The following PANX2 variants were observed in gnomAD, a reference collection of about 807,000 sequenced individuals.
PANX2 encodes the protein pannexin-2.
In PANX2, 30 loss-of-function variants were observed where a neutral mutation model predicts 38.7. The observed-to-expected ratio is 0.78, with a 90% CI of 0.58 to 1.05. PANX2 has a LOEUF of 1.05. Ranked by LOEUF, PANX2 falls within the 50% of genes least tolerant of loss-of-function variation. PANX2 has a pLI of 0.00. For synonymous variants in PANX2, 539 were observed against 472.1 expected (o/e 1.14, Z -1.84); for missense variants, 880 against 979.3 (o/e 0.90, Z 1.35).
At chr22:50,176,912 C>T (rs1486692029) in intron 1 of PANX2, 27 bp from the exon 2 acceptor site, 1 of 1,502,510 alleles carries the variant, frequency 6.7e-7, no homozygotes. Flanking sequence ...CTCCCCGCCC[C>T]AGCCCGTGTC....
In PANX2 at chr22:50,179,377, C is replaced by A. The variant is rs2147066063; in HGVS notation, c.*100C>A. On this transcript the variant is annotated 3_prime_UTR_variant, in exon 3 of 3. Coordinates refer to ENST00000395842, the MANE Select transcript of PANX2 (RefSeq NM_052839.4). Reference sequence around the variant, plus strand: ...CAGCCCTGCGTGGACGTGGCCTGTGCTTCGCCCGCACTGCGCGCATCCCCA... The same window carrying A: ...CAGCCCTGCGTGGACGTGGCCTGTGATTCGCCCGCACTGCGCGCATCCCCA... The A allele has an allele frequency of 9.1e-7, 1 of 1,100,276 alleles. No homozygotes were observed. Among genetic ancestry groups the A allele is most frequent in the Non-Finnish European group, 1.3e-6 (1 of 756,188 alleles). The allele number at this position is 1,100,276 out of a possible 1,614,324, so 68.2% of individuals were successfully genotyped here.
Position 50,177,888 on chromosome 22 carries a change from C to G in PANX2, c.1176C>G (p.Asp392Glu). Residue 392 changes from aspartate to glutamate, a missense_variant, in exon 2 of 3, where the codon GAC becomes GAG. By Grantham distance (45) the Asp-to-Glu change is conservative. Transcript: ENST00000395842. ...CGGCGCTGGCGCAGTCCAACCACGA[C>G]GCCACCCCCACGGTGCGCGACTCGG... is the stretch of plus-strand genomic sequence containing the variant. ...LLAALAQSNH[D>E]ATPTVRDSGV... 1 of 1,542,990 alleles carries G rather than the reference C, an allele frequency of 6.5e-7. No individual in the cohort carries two copies. The highest frequency in any genetic ancestry group is 8.7e-7 in the Non-Finnish European group (1 of 1,149,188).
Position 50,179,114 on chromosome 22 carries a change from C to T in PANX2, c.1871C>T (p.Pro624Leu). ...ATCCTGAGCCGAAACGCCACACACC[C>T]GCTGCTGCACATCAACACGCTGTAC... ...LTILSRNATHPLLHINTLYEA... is the reference protein window; with the variant it reads ...LTILSRNATHLLLHINTLYEA... Residue 624 changes from proline to leucine, a missense_variant, in exon 3 of 3, where the codon CCG becomes CTG. Pro to Leu is a moderately conservative substitution (Grantham distance 98). Around this residue, in one of 4 missense-constraint regions of PANX2, gnomAD observed 445 missense variants for 404.3 expected, o/e 1.10. Transcript: ENST00000395842. The T allele has an allele frequency of 6.2e-7, 1 of 1,611,984 alleles. No individual in the cohort carries two copies. Among genetic ancestry groups the T allele is most frequent in the Non-Finnish European group, 8.5e-7 (1 of 1,179,502 alleles).
chr22:50,174,179 GGA>G (rs1490700427), intron 1 of PANX2, among the ~76,000 whole-genome samples: 1 of 152,154 alleles, frequency 6.6e-6, no homozygotes, highest in East Asian at 1.9e-4. Flanking sequence ...GGGGTGTCCT[GGA>G]GAGGTGTCCC....
intron 2 of PANX2, 82 bp from the exon 3 acceptor site, chr22:50,178,852 C>T (rs2063680848): frequency 1.6e-6 from 2 of 1,268,264 alleles, no homozygotes; most frequent in Non-Finnish European, 2.1e-6. Context: ...GCCCTGCTCC[C>T]CCGCCAGCCT....
chr22:50,170,859 G>C lies in PANX2; in HGVS notation c.129G>C (p.Gln43His), dbSNP rs1213426404. ...KAGALAALLL[Q>H]LKLELPFDRV... ...GCGCGCTGGCCGCGCTGCTTCTGCA[G>C]CTGAAGCTGGAGCTGCCGTTCGACC... is the stretch of plus-strand genomic sequence containing the variant. The change falls in exon 1 of 3, where the codon CAG (glutamine) becomes CAC (histidine). Residue 43 changes from glutamine (Q) to histidine (H), a missense_variant. Coordinates refer to ENST00000395842, the MANE Select transcript of PANX2 (RefSeq NM_052839.4). 20 of 1,514,358 alleles carry C rather than the reference G, an allele frequency of 1.3e-5. No homozygotes were observed. Among genetic ancestry groups the C allele is most frequent in the Middle Eastern group, 1.9e-4 (1 of 5,378 alleles). The allele number at this position is 1,514,358 out of a possible 1,614,324, so 93.8% of individuals were successfully genotyped here.
intron 1 of PANX2, 45 bp downstream of exon 1, chr22:50,171,001 C>T: frequency 9.2e-7 from 1 of 1,089,808 alleles, no homozygotes; most frequent in Non-Finnish European, 1.3e-6. Flanking sequence ...GAGGGGGCGT[C>T]CGCAGGTGTC....
At position 50,178,260 on chromosome 22, in the gene PANX2, C is replaced by T; in HGVS notation, c.1548C>T (p.Asp516=). ...AGCACGCGCGCCACTTCTCCCTGGA[C>T]GTGCACCCCTACATCCTCGGCACCA... The part of the protein sequence containing the change: ...DKKHARHFSL[D]VHPYILGTKK... The change falls in exon 2 of 3, where the codon GAC becomes GAT. Residue 516 remains aspartate, a synonymous_variant. Coordinates refer to ENST00000395842, the MANE Select transcript of PANX2 (RefSeq NM_052839.4). The T allele has an allele frequency of 2.0e-6, 3 of 1,525,208 alleles. No homozygotes were observed. Among genetic ancestry groups the T allele is most frequent in the Non-Finnish European group, 2.6e-6 (3 of 1,142,354 alleles). 94.5% of individuals were successfully genotyped at this position (1,525,208 alleles called of 1,614,324 possible). A position where few individuals can be genotyped will look rare whatever the true frequency, so the allele number is the denominator to read the frequency against.
intron 2 of PANX2, 104 bp from the exon 3 acceptor site, chr22:50,178,805 CCAGGCCCAGCGTCTCCAGGGCGCTT>C (rs890303200): frequency 1.3e-6 from 1 of 767,042 alleles, no homozygotes; most frequent in Non-Finnish European, 2.0e-6. Context: ...GCAGGGGCGT[CCAGGCCCAGCGTCTCCAGGGCGCTT>C]CAGAGCCGTG....
At chr22:50,172,736 T>C (rs1366112934) in intron 1 of PANX2, among the ~76,000 whole-genome samples, 1 of 149,726 alleles carries the variant, frequency 6.7e-6, no homozygotes, top group Admixed American at 6.6e-5. Flanking sequence ...CTTTTTTTAT[T>C]TTTATTTTTT....
In PANX2 at chr22:50,172,292, T is replaced by C. The variant is rs2063636634; in HGVS notation, c.226+1336T>C. On this transcript the variant is annotated intron_variant, in intron 1 of 2. Coordinates refer to ENST00000395842, the MANE Select transcript of PANX2 (RefSeq NM_052839.4). The stretch of plus-strand genomic sequence containing the variant: ...GAGGTGTCGGCAGGGCCCTGCTCCC[T>C]CCCACAGCTCTAGGAAAGGGACATT... Among the ~76,000 whole-genome samples the C allele has an allele frequency of 2.0e-5, 3 of 152,220 alleles. No individual in the cohort carries two copies. The South Asian group carries it at 6.2e-4, about 32-fold the overall frequency.
chr22:50,178,892 C>T, intron 2 of PANX2, 42 bp from the exon 3 acceptor site: 1 of 1,491,950 alleles, frequency 6.7e-7, no homozygotes, highest in Non-Finnish European at 9.0e-7. Flanking sequence ...GGCGGCGCAG[C>T]GGAGGATGGT....
Position 50,179,097 on chromosome 22 carries a change from C to G in PANX2, c.1854C>G (p.Ser618Arg), listed in dbSNP as rs770397542. The change falls in exon 3 of 3, where the codon AGC becomes AGG. Residue 618 changes from serine (S) to arginine (R), a missense_variant. Ser to Arg is a moderately radical substitution (Grantham distance 110). Around this residue, in one of 4 missense-constraint regions of PANX2, gnomAD observed 445 missense variants for 404.3 expected, o/e 1.10. Coordinates refer to ENST00000395842, the MANE Select transcript of PANX2 (RefSeq NM_052839.4). The stretch of plus-strand genomic sequence containing the variant: ...AGGCGGAGCCCCTCACCATCCTGAG[C>G]CGAAACGCCACACACCCGCTGCTGC... ...LGKAEPLTIL[S>R]RNATHPLLHI... 6.2e-7 allele frequency: 1 copy of G among 1,611,660 alleles called. No homozygotes were observed. The highest frequency in any genetic ancestry group is 8.5e-7 in the Non-Finnish European group (1 of 1,179,392).
At chr22:50,175,301 A>C (rs1287288430) in intron 1 of PANX2, 2 of 300,776 alleles carry the variant, frequency 6.6e-6, no homozygotes, top group Non-Finnish European at 1.3e-5. Flanking sequence ...CTGCGGCCCT[A>C]CTGGAGTCTG....
rs1349683328 is a variant in PANX2, at chr22:50,175,399, G to A, written c.227-1540G>A. Reference sequence around the variant, plus strand: ...GCCAGGGATGGGCCCAGCTCAGGACGGGACACAAACCTGTCCCTGTTCTCT... The same window carrying A: ...GCCAGGGATGGGCCCAGCTCAGGACAGGACACAAACCTGTCCCTGTTCTCT... On this transcript the variant is annotated intron_variant, in intron 1 of 2. Transcript: ENST00000395842. The A allele has an allele frequency of 5.6e-6, 7 of 1,241,974 alleles. No homozygotes were observed. In the African/African-American group the frequency reaches 6.2e-5, roughly 11 times the overall value. 76.9% of individuals were successfully genotyped at this position (1,241,974 alleles called of 1,614,324 possible).
chr22:50,176,240 A>G (rs2063660581), intron 1 of PANX2, among the ~76,000 whole-genome samples: 1 of 152,244 alleles, frequency 6.6e-6, no homozygotes, highest in Non-Finnish European at 1.5e-5. Flanking sequence ...CTTGAGGGAA[A>G]ACACAGAGTT....
At chr22:50,178,499 A>G in intron 2 of PANX2, 97 bp downstream of exon 2, 1 of 804,594 alleles carries the variant, frequency 1.2e-6, no homozygotes, top group South Asian at 2.2e-5. Flanking sequence ...GGCGCTAGGG[A>G]AGGGAGGGGG....
Position 50,177,607 on chromosome 22 carries a change from T to G in PANX2, c.895T>G (p.Cys299Gly). Residue 299 changes from cysteine (C) to glycine (G), a missense_variant, in exon 2 of 3, where the codon TGC (cysteine) becomes GGC (glycine). By Grantham distance (159) the Cys-to-Gly change is radical. This residue lies in a region of PANX2 where 114 missense variants were observed against 108.8 expected (regional missense o/e 1.05). Coordinates refer to ENST00000395842, the MANE Select transcript of PANX2 (RefSeq NM_052839.4). ...CGCGGGCGTGGACATCGTGCTGCTG[T>G]GCGTCATGAACCTCATCATCCTCGT... is the stretch of plus-strand genomic sequence containing the variant. ...IIAGVDIVLL[C>G]VMNLIILVNL... 6.2e-7 allele frequency: 1 copy of G among 1,612,970 alleles called. No homozygotes were observed. Among genetic ancestry groups the G allele is most frequent in the Non-Finnish European group, 8.5e-7 (1 of 1,179,986 alleles).
chr22:50,175,957 G>A (rs182716744), intron 1 of PANX2, among the ~76,000 whole-genome samples: 1,912 of 152,366 alleles, frequency 0.013, 17 homozygotes, highest in South Asian at 0.024. Flanking sequence ...TGGTCTGTGG[G>A]GAGGGGATTG....
Sources: allele counts gnomAD v4.1 joint callset (sites outside exome capture counted in the v4.1 genomes callset), GRCh38; gene constraint gnomAD v4.1.1; regional missense constraint gnomAD v4.1.1; transcripts MANE v1.5; gene names NCBI Gene and HGNC (gene_info 2026-07-23, HGNC 2026-07-21).